The following LSAMP variants were observed in gnomAD, a reference collection of about 807,000 sequenced individuals.
LSAMP encodes the protein limbic system-associated membrane protein.
A neutral mutation model predicts 38.6 loss-of-function variants in LSAMP; 7 were observed. The observed-to-expected ratio is 0.18, with a 90% CI of 0.10 to 0.34. The LOEUF is 0.34. Among genes scored for constraint, LSAMP ranks in the 10% least tolerant of loss-of-function variants. The probability of loss-of-function intolerance (pLI) is 1.00; values close to 1 mark genes in which losing one functional copy is unlikely to be tolerated. For synonymous variants in LSAMP, 154 were observed against 166.8 expected (o/e 0.92, Z 0.59); for missense variants, 313 against 420.0 (o/e 0.75, Z 2.23).
At chr3:116,007,555 A>G (rs1389888179) in intron 3 of LSAMP, among the ~76,000 whole-genome samples, 1 of 152,196 alleles carries the variant, frequency 6.6e-6, no homozygotes, top group Admixed American at 6.5e-5. Flanking sequence ...AGAAAAAGAC[A>G]AAGTGGGAAT....
chr3:115,842,660 A>G lies in LSAMP; in HGVS notation c.650-82T>C, dbSNP rs544935315. 1.0e-4 allele frequency: 156 copies of G among 1,553,088 alleles called. No individual in the cohort carries two copies. The African/African-American group carries it at 1.8e-3, about 18-fold the overall frequency. On this transcript the variant is annotated intron_variant, in intron 4 of 6. Coordinates refer to ENST00000490035, the MANE Select transcript of LSAMP (RefSeq NM_002338.5). ...ATTCAGGAAGGAATGAAGAAGGACA[A>G]TCTGATTAGAGAGAGGCAGGAAGGG...
intron 1 of LSAMP, among the ~76,000 whole-genome samples, chr3:116,117,116 C>T (rs1337829693): frequency 6.6e-6 from 1 of 152,198 alleles, no homozygotes; most frequent in Non-Finnish European, 1.5e-5. Flanking sequence ...AAACATTCGA[C>T]TTATATGGAC....
At chr3:116,188,698 T>C (rs1384830023) in intron 1 of LSAMP, among the ~76,000 whole-genome samples, 3 of 152,210 alleles carry the variant, frequency 2.0e-5, no homozygotes, top group Non-Finnish European at 2.9e-5. Context: ...GTGATGCGTT[T>C]ATTTGCTCAC....
intron 3 of LSAMP, among the ~76,000 whole-genome samples, chr3:115,993,341 T>C (rs766280377): frequency 1.3e-5 from 2 of 152,136 alleles, no homozygotes; most frequent in Non-Finnish European, 2.9e-5. Flanking sequence ...TTTCCATTTC[T>C]ACTGCTGTAT....
At chr3:115,926,013 C>T (rs762480367) in intron 3 of LSAMP, among the ~76,000 whole-genome samples, 4 of 151,674 alleles carry the variant, frequency 2.6e-5, no homozygotes, top group South Asian at 2.1e-4. Context: ...GAAACAGTAA[C>T]AGAGAAGGAT....
At chr3:116,062,428 A>G (rs1941609759) in intron 2 of LSAMP, among the ~76,000 whole-genome samples, 2 of 152,190 alleles carry the variant, frequency 1.3e-5, no homozygotes, top group Admixed American at 6.5e-5. Context: ...AGAATCGAGA[A>G]TCGCTTGAAC....
At chr3:116,345,569 T>A (rs1048351801) in intron 1 of LSAMP, among the ~76,000 whole-genome samples, 24 of 152,280 alleles carry the variant, frequency 1.6e-4, no homozygotes, top group African/African-American at 5.8e-4. Flanking sequence ...CTTAGTTACA[T>A]TCAGTAATAA....
In LSAMP at chr3:116,119,606, A is replaced by G. The variant is rs545937583; in HGVS notation, c.156-33050T>C. 2.6e-5 allele frequency among the ~76,000 whole-genome samples: 4 copies of G among 152,168 alleles called. No homozygotes were observed. The South Asian group carries it at 8.3e-4, about 32-fold the overall frequency. ...CTGGACATTCAGCACAAAAATGGAT[A>G]CATAATCATTTATATAAGTTACTAA... On this transcript the variant is annotated intron_variant, in intron 1 of 6. Coordinates refer to ENST00000490035, the MANE Select transcript of LSAMP (RefSeq NM_002338.5).
chr3:115,943,678 C>T (rs1190558278), intron 3 of LSAMP, among the ~76,000 whole-genome samples: 1 of 152,182 alleles, frequency 6.6e-6, no homozygotes, highest in Non-Finnish European at 1.5e-5. Flanking sequence ...GATGCTACTT[C>T]ACCTTCTGAA....
chr3:116,090,397 G>A (rs1428307514), intron 1 of LSAMP, among the ~76,000 whole-genome samples: 1 of 152,112 alleles, frequency 6.6e-6, no homozygotes, highest in African/African-American at 2.4e-5. Flanking sequence ...AGCATTCACT[G>A]AATCACCAAT....
chr3:116,101,920 C>A (rs1708356719), intron 1 of LSAMP, among the ~76,000 whole-genome samples: 1 of 151,926 alleles, frequency 6.6e-6, no homozygotes, highest in South Asian at 2.1e-4. Context: ...AATCCATACT[C>A]AATGTCATAC....
intron 1 of LSAMP, among the ~76,000 whole-genome samples, chr3:116,161,322 T>C (rs1342416361): frequency 6.6e-5 from 10 of 152,216 alleles, no homozygotes; most frequent in African/African-American, 2.4e-4. Context: ...TGATTTTACA[T>C]TAGTATTCAG....
At chr3:116,400,420 T>C (rs571486763) in intron 1 of LSAMP, among the ~76,000 whole-genome samples, 1 of 141,232 alleles carries the variant, frequency 7.1e-6, no homozygotes, top group African/African-American at 2.8e-5. Context: ...CTTTCCCTCC[T>C]TCCCTCCCTC....
intron 3 of LSAMP, among the ~76,000 whole-genome samples, chr3:115,966,579 TG>T (rs1243220671): frequency 1.3e-5 from 2 of 152,244 alleles, no homozygotes; most frequent in Middle Eastern, 3.4e-3. Context: ...ACAAAAAAAA[TG>T]TTCATAACAC....
chr3:116,244,680 T>G (rs1365326734), intron 1 of LSAMP, among the ~76,000 whole-genome samples: 1 of 152,214 alleles, frequency 6.6e-6, no homozygotes, highest in Non-Finnish European at 1.5e-5. Flanking sequence ...TATTTGTTTA[T>G]GTATGTTCTG....
At chr3:116,237,586 A>C (rs1031102596) in intron 1 of LSAMP, among the ~76,000 whole-genome samples, 3 of 152,174 alleles carry the variant, frequency 2.0e-5, no homozygotes, top group Admixed American at 2.0e-4. Context: ...ATCTAGTTCC[A>C]TCCCTTTTAT....
At chr3:116,346,309 T>C (rs560827972) in intron 1 of LSAMP, among the ~76,000 whole-genome samples, 8 of 150,374 alleles carry the variant, frequency 5.3e-5, no homozygotes, top group African/African-American at 1.2e-4. Context: ...GATTTTTTTT[T>C]CTAAGGGTTA....
In LSAMP at chr3:116,240,521, C is replaced by T. The variant is rs1431511; in HGVS notation, c.156-153965G>A. 0.026 allele frequency among the ~76,000 whole-genome samples: 3,892 copies of T among 152,174 alleles called. 344 individuals are homozygous for T. In the East Asian group the frequency reaches 0.33, roughly 13 times the overall value. On this transcript the variant is annotated intron_variant, in intron 1 of 6. Transcript: ENST00000490035. ...TAAGTATGGTTGGCACAATGTCTCC[C>T]CTAGAGAAAACACTACAGGAGAAGA...
chr3:116,030,123 G>T (rs1379237403), intron 2 of LSAMP, among the ~76,000 whole-genome samples: 2 of 152,140 alleles, frequency 1.3e-5, no homozygotes, highest in Non-Finnish European at 2.9e-5. Flanking sequence ...CAAACTGAGA[G>T]TCCCTTAGTC....
Sources: gnomAD v4.1 joint callset for allele counts (sites outside exome capture counted in the v4.1 genomes callset) on GRCh38, gnomAD v4.1.1 for gene constraint, MANE v1.5 for transcripts, NCBI Gene and HGNC (gene_info 2026-07-23, HGNC 2026-07-21) for gene names.